SLC39A9: variants seen among roughly 807,000 people sequenced by gnomAD.
The protein encoded by SLC39A9 is zinc transporter ZIP9.
Under a neutral mutation model 28.4 loss-of-function variants are expected in SLC39A9, and 14 were observed. That is an observed-to-expected ratio of 0.49 (90% CI 0.33 to 0.77). The LOEUF is 0.77. Among genes scored for constraint, SLC39A9 ranks in the 30% least tolerant of loss-of-function variants. The pLI is 0.02. For synonymous variants in SLC39A9, 119 were observed against 149.6 expected (o/e 0.80, Z 1.49); for missense variants, 283 against 381.1 (o/e 0.74, Z 2.14).
In SLC39A9 at chr14:69,458,812, G is replaced by T; in HGVS notation, c.*219G>T. 7.8e-7 allele frequency: 1 copy of T among 1,285,978 alleles called. No individual in the cohort carries two copies. The highest frequency in any genetic ancestry group is 2.8e-5 in the East Asian group (1 of 35,458). 79.7% of individuals were successfully genotyped at this position (1,285,978 alleles called of 1,614,324 possible). On this transcript the variant is annotated 3_prime_UTR_variant, in exon 7 of 7. Transcript: ENST00000336643. ...CAGTTAGCTATAGACATCCCATTGTGTTATCTTTTAAAAGGCCCTTGACAT... is the reference window on the plus strand; with the variant it reads ...CAGTTAGCTATAGACATCCCATTGTTTTATCTTTTAAAAGGCCCTTGACAT...
Position 69,461,639 on chromosome 14 carries a change from GT to G in SLC39A9, c.*3056del, listed in dbSNP as rs878964440. On this transcript the variant is annotated 3_prime_UTR_variant, in exon 7 of 7. Transcript: ENST00000336643. Reference sequence around the variant, plus strand: ...TGCAGAAAGGAGAAAATGTGATTGTGTTTTTTTTTTACCAGCCTACTTCTAA... The same window carrying G: ...TGCAGAAAGGAGAAAATGTGATTGTGTTTTTTTTTACCAGCCTACTTCTAA... The G allele has an allele frequency of 3.6e-4, 488 of 1,355,230 alleles. 1 individual carries two copies. Among genetic ancestry groups the G allele is most frequent in the Admixed American group, 2.0e-3 (87 of 43,548 alleles). The allele number at this position is 1,355,230 out of a possible 1,614,324, so 84.0% of individuals were successfully genotyped here.
rs1886079528 is a variant in SLC39A9, at chr14:69,460,757, A to G, written c.*2164A>G. Reference sequence around the variant, plus strand: ...CCTTCCCCTCTGGACCTCACTATTAACAAGCAAACCTTTCAGGGCCCTCTT... The same window carrying G: ...CCTTCCCCTCTGGACCTCACTATTAGCAAGCAAACCTTTCAGGGCCCTCTT... On this transcript the variant is annotated 3_prime_UTR_variant, in exon 7 of 7. Transcript: ENST00000336643. 2.0e-6 allele frequency: 2 copies of G among 985,322 alleles called. No individual in the cohort carries two copies. Among genetic ancestry groups the G allele is most frequent in the South Asian group, 4.7e-5 (1 of 21,294 alleles). The allele number at this position is 985,322 out of a possible 1,614,324, so 61.0% of individuals were successfully genotyped here.
chr14:69,413,441 C>T (rs1413234025), intron 1 of SLC39A9, among the ~76,000 whole-genome samples: 1 of 151,818 alleles, frequency 6.6e-6, no homozygotes, highest in African/African-American at 2.4e-5. Context: ...AAAATAAAAA[C>T]AAAAACTGTT....
At chr14:69,449,736 G>C (rs1346920049) in intron 3 of SLC39A9, among the ~76,000 whole-genome samples, 1 of 152,212 alleles carries the variant, frequency 6.6e-6, no homozygotes, top group African/African-American at 2.4e-5. Context: ...GGTCAGGACA[G>C]TGTTGTGAGT....
At chr14:69,447,398 C>G (rs1885380956) in intron 3 of SLC39A9, among the ~76,000 whole-genome samples, 1 of 152,184 alleles carries the variant, frequency 6.6e-6, no homozygotes, top group Non-Finnish European at 1.5e-5. Flanking sequence ...AGTCAGCCCC[C>G]TGTGGGACAG....
At chr14:69,414,837 G>T (rs1243614871) in intron 1 of SLC39A9, among the ~76,000 whole-genome samples, 1 of 152,136 alleles carries the variant, frequency 6.6e-6, no homozygotes, top group African/African-American at 2.4e-5. Context: ...TCACTGTTCT[G>T]ATTTCAATCT....
intron 3 of SLC39A9, among the ~76,000 whole-genome samples, chr14:69,444,113 A>C (rs1885177542): frequency 6.6e-6 from 1 of 151,222 alleles, no homozygotes; most frequent in Admixed American, 6.6e-5. Context: ...TTGAGCCCAG[A>C]AGGTTGAGAC....
intron 2 of SLC39A9, 55 bp downstream of exon 2, chr14:69,424,257 G>T (rs556646185): frequency 3.0e-6 from 4 of 1,324,080 alleles, no homozygotes; most frequent in East Asian, 4.7e-5. Context: ...AGGGTTAGCA[G>T]GATGAAGCTT....
chr14:69,450,855 A>C (rs891591669), intron 3 of SLC39A9, among the ~76,000 whole-genome samples: 2 of 152,160 alleles, frequency 1.3e-5, no homozygotes, highest in African/African-American at 4.8e-5. Context: ...GTGTTCCATT[A>C]TTCTTCTTCC....
intron 2 of SLC39A9, chr14:69,428,565 C>G (rs1209440385): frequency 6.6e-6 from 1 of 152,628 alleles, no homozygotes; most frequent in Admixed American, 6.5e-5. Context: ...TCGATAGATG[C>G]CAAAACAGTT....
intron 6 of SLC39A9, among the ~76,000 whole-genome samples, chr14:69,458,049 TGTTA>T (rs1456526483): frequency 2.6e-5 from 4 of 152,210 alleles, no homozygotes; most frequent in South Asian, 2.1e-4. Context: ...AGATGACAGA[TGTTA>T]GTTTTATTTA....
intron 1 of SLC39A9, 27 bp downstream of exon 1, chr14:69,399,492 C>T: frequency 6.3e-7 from 1 of 1,589,936 alleles, no homozygotes. Flanking sequence ...TTTCTGTCAG[C>T]TGTCAGGATG....
rs1886036011 is a variant in SLC39A9 at position 69,459,731 on chromosome 14, T to C, written c.*1138T>C. The C allele has an allele frequency of 2.0e-6, 2 of 984,960 alleles. No individual in the cohort carries two copies. Among genetic ancestry groups the C allele is most frequent in the Non-Finnish European group, 2.4e-6 (2 of 829,550 alleles). 61.0% of individuals were successfully genotyped at this position (984,960 alleles called of 1,614,324 possible). Reference sequence around the variant, plus strand: ...AAGCTTATTGGAATCATGTCTCTTGTCTCTTCGTCTTTTCTTTGCTTTTCT... The same window carrying C: ...AAGCTTATTGGAATCATGTCTCTTGCCTCTTCGTCTTTTCTTTGCTTTTCT... On this transcript the variant is annotated 3_prime_UTR_variant, in exon 7 of 7. Coordinates refer to ENST00000336643, the MANE Select transcript of SLC39A9 (RefSeq NM_018375.5).
intron 1 of SLC39A9, among the ~76,000 whole-genome samples, chr14:69,415,786 C>A (rs1001269438): frequency 2.0e-5 from 3 of 152,126 alleles, no homozygotes; most frequent in African/African-American, 7.2e-5. Context: ...TTTCAACCAG[C>A]CTTTCAGCTA....
intron 4 of SLC39A9, among the ~76,000 whole-genome samples, chr14:69,454,242 C>A (rs527529631): frequency 6.6e-6 from 1 of 152,138 alleles, no homozygotes; most frequent in African/African-American, 2.4e-5. Context: ...AAGTAGTAAT[C>A]ATCTATATAG....
chr14:69,445,593 G>T (rs925693208), intron 3 of SLC39A9, among the ~76,000 whole-genome samples: 1 of 152,062 alleles, frequency 6.6e-6, no homozygotes, highest in Non-Finnish European at 1.5e-5. Flanking sequence ...ACTGTGTAGG[G>T]GGTCAACACT....
intron 3 of SLC39A9, 128 bp from the exon 4 acceptor site, chr14:69,453,113 G>A: frequency 1.4e-6 from 1 of 696,918 alleles, no homozygotes. Flanking sequence ...GAGGCGGGCG[G>A]ATCATTGGAG....
rs1043498308 is a variant in SLC39A9, at chr14:69,407,412, A to G, written c.96+7947A>G. 6.7e-5 allele frequency among the ~76,000 whole-genome samples: 10 copies of G among 148,364 alleles called. No individual in the cohort carries two copies. In the Admixed American group the frequency reaches 6.8e-4, roughly 10 times the overall value. On this transcript the variant is annotated intron_variant, in intron 1 of 6. Coordinates refer to ENST00000336643, the MANE Select transcript of SLC39A9 (RefSeq NM_018375.5). ...GACTGCAATGGCATGATCTTGACTCACCATAACCTCCGCCTCCCAGGTTCA... is the reference window on the plus strand; with the variant it reads ...GACTGCAATGGCATGATCTTGACTCGCCATAACCTCCGCCTCCCAGGTTCA...
At chr14:69,433,301 T>G (rs556198440) in intron 2 of SLC39A9, among the ~76,000 whole-genome samples, 1 of 152,320 alleles carries the variant, frequency 6.6e-6, no homozygotes, top group South Asian at 2.1e-4. Context: ...CTAGTTATTA[T>G]ATATAATTCT....
Sources: gnomAD v4.1 joint callset for allele counts (sites outside exome capture counted in the v4.1 genomes callset) on GRCh38, gnomAD v4.1.1 for gene constraint, MANE v1.5 for transcripts, NCBI Gene and HGNC (gene_info 2026-07-23, HGNC 2026-07-21) for gene names.